FAAH2: variants seen among roughly 807,000 people sequenced by gnomAD.
FAAH2 encodes fatty-acid amide hydrolase 2.
FAAH2 carries 60 observed loss-of-function variants against 36.9 expected under a neutral mutation model. That is an observed-to-expected ratio of 1.63 (90% CI 1.32 to 2.02). FAAH2 has a LOEUF of 2.02. Among genes scored for constraint, FAAH2 ranks in the 30% most tolerant of loss-of-function variants. FAAH2 has a pLI of 0.00. For missense variants in FAAH2, 689 were observed against 397.5 expected (o/e 1.73, Z -6.23); for synonymous variants, 214 against 143.8 (o/e 1.49, Z -3.49).
chrX:57,139,672 T>C, the FAAH2 span, among the ~76,000 whole-genome samples: 1 of 111,450 alleles, frequency 9.0e-6, no homozygotes, highest in African/African-American at 3.3e-5. Context: ...GCCAGGATGG[T>C]CTCGATCTCC....
intron 5 of FAAH2, among the ~76,000 whole-genome samples, chrX:57,364,009 G>GTTTTTTTTTTTTTTTTTTTT: frequency 2.1e-5 from 1 of 46,542 alleles, no homozygotes; most frequent in Non-Finnish European, 3.6e-5. Context: ...GGCCTGTAGG[G>GTTTTTTTTTTTTTTTTTTTT]TTTTTTTTTT....
chrX:57,390,538 T>C (rs984060140), intron 7 of FAAH2, among the ~76,000 whole-genome samples: 1 of 111,209 alleles, frequency 9.0e-6, no homozygotes, highest in Non-Finnish European at 1.9e-5. Flanking sequence ...TGCCTACTTG[T>C]CCAAGTGTAT....
chrX:57,412,409 T>C (rs2055723386), intron 7 of FAAH2, among the ~76,000 whole-genome samples: 4 of 110,837 alleles, frequency 3.6e-5, no homozygotes, highest in African/African-American at 1.3e-4. Context: ...CATGTGATGT[T>C]CCCCTCCCTG....
chrX:57,299,777 T>A (rs890673592), intron 2 of FAAH2, among the ~76,000 whole-genome samples: 6 of 111,872 alleles, frequency 5.4e-5, no homozygotes, highest in Admixed American at 2.8e-4. Context: ...ACAAAATCAA[T>A]GTACAAAAAT....
the FAAH2 span, among the ~76,000 whole-genome samples, chrX:57,216,560 A>ATATACG: frequency 4.4e-5 from 2 of 45,234 alleles, no homozygotes; most frequent in African/African-American, 3.5e-4. Context: ...GTATATATAT[A>ATATACG]TATACGTATA....
At chrX:57,353,301 C>T (rs1423840250) in intron 5 of FAAH2, among the ~76,000 whole-genome samples, 1 of 109,073 alleles carries the variant, frequency 9.2e-6, no homozygotes, top group African/African-American at 3.3e-5. Flanking sequence ...CACATAAATA[C>T]AGCCAAGTGA....
intron 10 of FAAH2, among the ~76,000 whole-genome samples, chrX:57,483,630 G>T (rs1195696053): frequency 9.1e-6 from 1 of 109,946 alleles, no homozygotes; most frequent in African/African-American, 3.3e-5. Flanking sequence ...CTCATCTGGA[G>T]GTATTGTCAC....
chrX:57,344,710 T>C (rs969501532), intron 5 of FAAH2, among the ~76,000 whole-genome samples: 1 of 111,459 alleles, frequency 9.0e-6, no homozygotes, highest in African/African-American at 3.3e-5. Flanking sequence ...CAATATGATG[T>C]TGGCTGTGGG....
At chrX:57,447,530 G>C (rs767950836) in intron 9 of FAAH2, among the ~76,000 whole-genome samples, 2 of 112,174 alleles carry the variant, frequency 1.8e-5, no homozygotes, top group Non-Finnish European at 3.8e-5. Flanking sequence ...GGGCAGTCAG[G>C]CATTTTCATA....
chrX:57,476,570 C>T (rs7066464), intron 10 of FAAH2, among the ~76,000 whole-genome samples: 39,952 of 109,922 alleles, frequency 0.36, 6,275 homozygotes, highest in Middle Eastern at 0.6. Flanking sequence ...TTTTGATGTG[C>T]TGCTGAGTCC....
chrX:57,365,166 G>A (rs1019343259), intron 5 of FAAH2, among the ~76,000 whole-genome samples: 1 of 111,677 alleles, frequency 9.0e-6, no homozygotes, highest in Non-Finnish European at 1.9e-5. Flanking sequence ...CTGTGTGGTT[G>A]TTTCTGCATG....
At chrX:57,325,018 A>G (rs2053167697) in intron 3 of FAAH2, among the ~76,000 whole-genome samples, 1 of 112,238 alleles carries the variant, frequency 8.9e-6, no homozygotes, top group Non-Finnish European at 1.9e-5. Context: ...CGTCCCATCA[A>G]TACCTAATTT....
the FAAH2 span, among the ~76,000 whole-genome samples, chrX:57,153,947 A>AT: frequency 3.6e-5 from 4 of 112,218 alleles, no homozygotes; most frequent in Non-Finnish European, 5.6e-5. Context: ...ATTCCCCCAA[A>AT]TATGTTTTCC....
the FAAH2 span, among the ~76,000 whole-genome samples, chrX:57,213,133 AG>A: frequency 5.4e-5 from 6 of 111,620 alleles, no homozygotes; most frequent in African/African-American, 2.0e-4. Context: ...GGTTCATAAA[AG>A]TCTCTGATTA....
chrX:57,473,908 C>T (rs1162806178), intron 10 of FAAH2, among the ~76,000 whole-genome samples: 2 of 111,092 alleles, frequency 1.8e-5, no homozygotes, highest in Non-Finnish European at 3.8e-5. Context: ...GTGCCTTTGG[C>T]CAGTAGGTGG....
At chrX:57,149,089 G>T in the FAAH2 span, among the ~76,000 whole-genome samples, 1 of 111,676 alleles carries the variant, frequency 9.0e-6, no homozygotes, top group African/African-American at 3.3e-5. Context: ...TGACAGCCTT[G>T]CATCCCAGGG....
chrX:57,419,561 G>A (rs1329291505), intron 7 of FAAH2, among the ~76,000 whole-genome samples: 1 of 111,434 alleles, frequency 9.0e-6, no homozygotes, highest in Non-Finnish European at 1.9e-5. Context: ...TTTTTGATGG[G>A]GTTGTTTGTT....
chrX:57,166,728 G>A, the FAAH2 span, among the ~76,000 whole-genome samples: 14 of 111,848 alleles, frequency 1.3e-4, no homozygotes, highest in African/African-American at 2.9e-4. Flanking sequence ...GGGAGAGGTC[G>A]CCCCAACCAT....
At chrX:57,179,074 G>T in the FAAH2 span, among the ~76,000 whole-genome samples, 1 of 111,547 alleles carries the variant, frequency 9.0e-6, no homozygotes, top group Non-Finnish European at 1.9e-5. Flanking sequence ...CCAGTACTGA[G>T]GGAATTCATT....
Sources: gnomAD v4.1 joint callset for allele counts (sites outside exome capture counted in the v4.1 genomes callset) on GRCh38, gnomAD v4.1.1 for gene constraint, MANE v1.5 for transcripts, NCBI Gene and HGNC (gene_info 2026-07-23, HGNC 2026-07-21) for gene names.